VWA3B: variants seen among roughly 807,000 people sequenced by gnomAD.
VWA3B encodes the protein von Willebrand factor A domain containing 3B.
Under a neutral mutation model 158.3 loss-of-function variants are expected in VWA3B, and 138 were observed. The observed-to-expected ratio is 0.87, with a 90% CI of 0.76 to 1.00. The LOEUF (loss-of-function observed/expected upper bound fraction) is 1.00. Ranked by LOEUF, VWA3B falls within the 50% of genes least tolerant of loss-of-function variation. VWA3B has a pLI of 0.00. For missense variants in VWA3B, 1,555 were observed against 1,565.1 expected (o/e 0.99, Z 0.11); for synonymous variants, 596 against 587.3 (o/e 1.01, Z -0.21).
the VWA3B span, among the ~76,000 whole-genome samples, chr2:98,329,861 G>A: frequency 2.1e-4 from 32 of 152,236 alleles, no homozygotes; most frequent in East Asian, 1.4e-3. Context: ...GTTCCTGCCC[G>A]TGCCCAAGAG....
chr2:98,167,735 T>C (rs1679210471), intron 8 of VWA3B, among the ~76,000 whole-genome samples: 1 of 152,094 alleles, frequency 6.6e-6, no homozygotes, highest in South Asian at 2.1e-4. Flanking sequence ...GTTATCTGAG[T>C]CTGGGGAAAG....
At chr2:98,194,334 T>C (rs367633171) in intron 11 of VWA3B, 27 bp from the exon 12 acceptor site, 1 of 1,607,598 alleles carries the variant, frequency 6.2e-7, no homozygotes, top group Non-Finnish European at 8.5e-7. Context: ...AGTGGTTTTA[T>C]GGTTAAATAA....
At chr2:98,301,577 G>A (rs1574312858) in intron 25 of VWA3B, among the ~76,000 whole-genome samples, 1 of 152,294 alleles carries the variant, frequency 6.6e-6, no homozygotes. Flanking sequence ...TGCAGAGGTT[G>A]GCAGCATCAC....
intron 13 of VWA3B, among the ~76,000 whole-genome samples, chr2:98,216,053 C>G (rs897547746): frequency 6.6e-6 from 1 of 152,078 alleles, no homozygotes; most frequent in African/African-American, 2.4e-5. Context: ...GTTATTATTC[C>G]AAATATTCAG....
chr2:98,288,012 C>T (rs1689264054), intron 22 of VWA3B, among the ~76,000 whole-genome samples: 1 of 152,096 alleles, frequency 6.6e-6, no homozygotes, highest in African/African-American at 2.4e-5. Context: ...AAAAAACTAC[C>T]TTGCCATTTA....
intron 2 of VWA3B, among the ~76,000 whole-genome samples, chr2:98,100,886 T>C (rs955013625): frequency 2.0e-5 from 3 of 152,208 alleles, no homozygotes; most frequent in African/African-American, 7.2e-5. Context: ...CACCTGGTTT[T>C]CTTAGCTCTT....
At chr2:98,242,503 T>C (rs189150781) in intron 19 of VWA3B, among the ~76,000 whole-genome samples, 11 of 152,002 alleles carry the variant, frequency 7.2e-5, no homozygotes, top group Non-Finnish European at 1.3e-4. Flanking sequence ...TTTGGGAAAA[T>C]TGGTCTGCAC....
chr2:98,265,597 T>C (rs1447589030), intron 21 of VWA3B, among the ~76,000 whole-genome samples: 6 of 149,728 alleles, frequency 4.0e-5, no homozygotes, highest in African/African-American at 1.5e-4. Context: ...TTTCCAGTTC[T>C]AGATCCCTGA....
At chr2:98,318,595 G>A in the VWA3B span, among the ~76,000 whole-genome samples, 1 of 152,118 alleles carries the variant, frequency 6.6e-6, no homozygotes. Flanking sequence ...TGAGAGGAGG[G>A]AGAGAAACAG....
chr2:98,278,122 G>A (rs1688640012), intron 22 of VWA3B, among the ~76,000 whole-genome samples: 1 of 152,188 alleles, frequency 6.6e-6, no homozygotes, highest in Non-Finnish European at 1.5e-5. Context: ...GTTCTCCAGT[G>A]GAACAAGATC....
chr2:98,137,578 A>C (rs6543311), intron 7 of VWA3B, among the ~76,000 whole-genome samples: 32,942 of 151,956 alleles, frequency 0.22, 4,942 homozygotes, highest in African/African-American at 0.43. Context: ...GTACCTCTCT[A>C]TATATATATG....
At chr2:98,209,229 A>G (rs752108456) in intron 12 of VWA3B, among the ~76,000 whole-genome samples, 2 of 151,856 alleles carry the variant, frequency 1.3e-5, no homozygotes, top group Non-Finnish European at 2.9e-5. Flanking sequence ...GGATTTGCTT[A>G]GCTTCTTGAA....
chr2:98,212,262 C>A, intron 13 of VWA3B: 1 of 369,096 alleles, frequency 2.7e-6, no homozygotes, highest in Non-Finnish European at 4.9e-6. Context: ...TGACACACAC[C>A]CCTAGCCTGG....
At chr2:98,155,482 T>C (rs891893084) in intron 7 of VWA3B, among the ~76,000 whole-genome samples, 4 of 152,168 alleles carry the variant, frequency 2.6e-5, no homozygotes, top group African/African-American at 7.2e-5. Flanking sequence ...ATTAGTTGTG[T>C]GGCCTTGGGC....
downstream of VWA3B, among the ~76,000 whole-genome samples, chr2:98,316,966 C>G (rs532988597): frequency 6.6e-6 from 1 of 152,180 alleles, no homozygotes; most frequent in Non-Finnish European, 1.5e-5. Context: ...AATTAAACCT[C>G]TTTTCTTTAT....
intron 2 of VWA3B, among the ~76,000 whole-genome samples, chr2:98,115,080 C>G (rs2104932579): frequency 6.7e-6 from 1 of 149,754 alleles, no homozygotes; most frequent in East Asian, 2.0e-4. Context: ...AAGTCCAAGT[C>G]ACGAATAACT....
intron 26 of VWA3B, among the ~76,000 whole-genome samples, chr2:98,305,348 G>A (rs763947467): frequency 1.3e-5 from 2 of 152,188 alleles, no homozygotes; most frequent in Non-Finnish European, 2.9e-5. Context: ...GTGCAGCCAT[G>A]ATGGGTAACT....
the VWA3B span, among the ~76,000 whole-genome samples, chr2:98,327,620 A>C: frequency 1.3e-5 from 2 of 152,232 alleles, no homozygotes; most frequent in African/African-American, 4.8e-5. Context: ...ATCCATTCAC[A>C]ATACAAACTT....
chr2:98,274,056 A>G (rs944272988), intron 22 of VWA3B, among the ~76,000 whole-genome samples: 8 of 152,192 alleles, frequency 5.3e-5, no homozygotes, highest in African/African-American at 1.9e-4. Context: ...TCCAAAAATC[A>G]TGGATAGGAT....
Sources: gnomAD v4.1 joint callset for allele counts (sites outside exome capture counted in the v4.1 genomes callset) on GRCh38, gnomAD v4.1.1 for gene constraint, MANE v1.5 for transcripts, NCBI Gene and HGNC (gene_info 2026-07-23, HGNC 2026-07-21) for gene names.